The following EPS8 variants were observed in gnomAD, a reference collection of about 807,000 sequenced individuals.
EPS8 encodes the protein EGFR pathway substrate 8, signaling adaptor, also known as epidermal growth factor receptor kinase substrate 8.
EPS8 carries 42 observed loss-of-function variants against 103.8 expected under a neutral mutation model. The observed-to-expected ratio is 0.40, with a 90% CI of 0.32 to 0.52. The LOEUF is 0.52. Among genes scored for constraint, EPS8 ranks in the 20% least tolerant of loss-of-function variants. The pLI is 0.40. For missense variants in EPS8, 969 were observed against 1,005.1 expected (o/e 0.96, Z 0.49); for synonymous variants, 344 against 344.6 (o/e 1.00, Z 0.02).
Position 15,700,103 on chromosome 12 carries a change from T to G in EPS8, c.-21-17131A>C, listed in dbSNP as rs554770304. Among the ~76,000 whole-genome samples the G allele has an allele frequency of 6.6e-6, 1 of 152,280 alleles. No homozygotes were observed. The highest frequency in any genetic ancestry group is 2.1e-4 in the South Asian group (1 of 4,824). ...ACAGGAGGCGGAAGTTGCAGTGAGC[T>G]GAGATCATGCCTCTGCACTGCAGCC... On this transcript the variant is annotated intron_variant, in intron 1 of 20. Transcript: ENST00000281172. The surrounding 1 kb of genome is among the most constrained non-coding windows in gnomAD (Gnocchi z 5.1).
rs1399631735 is a variant in EPS8, at chr12:15,698,432, T to G, written c.-21-15460A>C. On this transcript the variant is annotated intron_variant, in intron 1 of 20. Transcript: ENST00000281172. This position sits in a 1 kb window ranked among gnomAD's most constrained non-coding sequence, Gnocchi z 4.9. Reference sequence around the variant, plus strand: ...GACTCCCCAACCCCCGCTCTTTAAGTTAACCTCATCCACACAGTAAACAGA... The same window carrying G: ...GACTCCCCAACCCCCGCTCTTTAAGGTAACCTCATCCACACAGTAAACAGA... 6.6e-6 allele frequency among the ~76,000 whole-genome samples: 1 copy of G among 152,094 alleles called. No individual in the cohort carries two copies. The highest frequency in any genetic ancestry group is 1.5e-5 in the Non-Finnish European group (1 of 68,000).
intron 2 of EPS8, among the ~76,000 whole-genome samples, 191 bp downstream of exon 2, chr12:15,682,702 T>G (rs1259865089): frequency 6.6e-6 from 1 of 152,198 alleles, no homozygotes; most frequent in Non-Finnish European, 1.5e-5. Context: ...GCTATTTACT[T>G]TACCATCTTA....
At chr12:15,720,898 A>T (rs1268380768) in intron 1 of EPS8, among the ~76,000 whole-genome samples, 1 of 152,280 alleles carries the variant, frequency 6.6e-6, no homozygotes, top group Admixed American at 6.5e-5. Context: ...CCAGATATTT[A>T]AAGTGCTGTA....
chr12:15,665,830 G>C lies in EPS8; in HGVS notation c.662C>G (p.Pro221Arg). Residue 221 changes from proline to arginine, a missense_variant, in exon 8 of 21, where the codon CCT (proline) becomes CGT (arginine). Physicochemically the swap from Pro to Arg is moderately radical, Grantham distance 103. Transcript: ENST00000281172. ...AACATCCACCTGGGTGACGGTCCCA[G>C]GGGGCGCAGGGGCAGGAGCTCTGGG... ...PPPRAPAPAP[P>R]GTVTQVDVRS... 1 of 1,613,934 alleles carries C rather than the reference G, an allele frequency of 6.2e-7. No homozygotes were observed. Among genetic ancestry groups the C allele is most frequent in the Non-Finnish European group, 8.5e-7 (1 of 1,179,926 alleles).
chr12:15,710,239 AG>A (rs1946444226), intron 1 of EPS8, among the ~76,000 whole-genome samples: 2 of 152,244 alleles, frequency 1.3e-5, no homozygotes, highest in Non-Finnish European at 2.9e-5. Flanking sequence ...ATCTAATACT[AG>A]AGTAATAATG....
At chr12:15,687,837 C>T (rs1946116383) in intron 1 of EPS8, among the ~76,000 whole-genome samples, 1 of 152,106 alleles carries the variant, frequency 6.6e-6, no homozygotes, top group Admixed American at 6.5e-5. Flanking sequence ...TATCTCAGTT[C>T]AAAATGTTTT....
chr12:15,687,711 A>G (rs967384179), intron 1 of EPS8, among the ~76,000 whole-genome samples: 16 of 152,202 alleles, frequency 1.1e-4, no homozygotes, highest in African/African-American at 3.9e-4. Context: ...GCATAGACAT[A>G]TTCTAATACT....
intron 1 of EPS8, among the ~76,000 whole-genome samples, chr12:15,718,662 A>T (rs573849142): frequency 2.0e-5 from 3 of 152,178 alleles, no homozygotes; most frequent in Non-Finnish European, 4.4e-5. Context: ...GCATATCAAG[A>T]GTCTCATATT....
Position 15,669,801 on chromosome 12 carries a change from G to A in EPS8, c.229C>T (p.Arg77Trp), listed in dbSNP as rs746963713. 18 of 1,605,822 alleles carry A rather than the reference G, an allele frequency of 1.1e-5. No individual in the cohort carries two copies. The highest frequency in any genetic ancestry group is 1.7e-5 in the Admixed American group (1 of 57,658). Reference sequence around the variant, plus strand: ...TCAACAGTGATCATAGCATCTTTCCGATCCAGGACAAAGGTAGTCAAGTGC... The same window carrying A: ...TCAACAGTGATCATAGCATCTTTCCAATCCAGGACAAAGGTAGTCAAGTGC... ...VEHLTTFVLD[R>W]KDAMITVDDG... The change falls in exon 5 of 21, where the codon CGG (arginine) becomes TGG (tryptophan). Residue 77 changes from arginine (R) to tryptophan (W), a missense_variant. Arg to Trp is a moderately radical substitution (Grantham distance 101). Transcript: ENST00000281172.
At position 15,716,371 on chromosome 12, in the gene EPS8, G is replaced by A. The variant is rs1946533598; in HGVS notation, c.-21-33399C>T. On this transcript the variant is annotated intron_variant, in intron 1 of 20. Transcript: ENST00000281172. The surrounding 1 kb of genome is among the most constrained non-coding windows in gnomAD (Gnocchi z 5.0). ...TCTTATGAAAGGCTAATCTGGCACA[G>A]ACTGATATATGACAAATCATTGTCC... Among the ~76,000 whole-genome samples the A allele has an allele frequency of 6.6e-6, 1 of 152,140 alleles. No individual in the cohort carries two copies. The highest frequency in any genetic ancestry group is 1.5e-5 in the Non-Finnish European group (1 of 68,032).
chr12:15,682,612 C>G (rs1182428864), intron 2 of EPS8, among the ~76,000 whole-genome samples: 1 of 152,076 alleles, frequency 6.6e-6, no homozygotes, highest in African/African-American at 2.4e-5. Flanking sequence ...TATATTCAAC[C>G]ATGAAAAGCA....
At chr12:15,740,484 G>A (rs1177216616) in intron 1 of EPS8, among the ~76,000 whole-genome samples, 3 of 152,074 alleles carry the variant, frequency 2.0e-5, no homozygotes, top group African/African-American at 7.2e-5. Context: ...GGCGTAGGTT[G>A]CGGTGAACCG....
rs1947218436 is a variant in EPS8 at position 15,777,448 on chromosome 12, T to C, written c.-22+11713A>G. 6.6e-6 allele frequency among the ~76,000 whole-genome samples: 1 copy of C among 152,204 alleles called. No homozygotes were observed. Among genetic ancestry groups the C allele is most frequent in the South Asian group, 2.1e-4 (1 of 4,830 alleles). On this transcript the variant is annotated intron_variant, in intron 1 of 20. Transcript: ENST00000281172. This position sits in a 1 kb window ranked among gnomAD's most constrained non-coding sequence, Gnocchi z 4.7. ...ATTTATTCCGGACTAGATTTCACTC[T>C]TTTCATAATGAGATTTTACTATTTC...
At chr12:15,681,360 T>A in intron 2 of EPS8, 58 bp from the exon 3 acceptor site, 1 of 690,642 alleles carries the variant, frequency 1.4e-6, no homozygotes, top group Admixed American at 4.2e-5. Context: ...TGTGTTGGGT[T>A]AAAGTCCAAT....
At chr12:15,726,059 C>A (rs1489170208) in intron 1 of EPS8, among the ~76,000 whole-genome samples, 2 of 152,098 alleles carry the variant, frequency 1.3e-5, no homozygotes, top group Non-Finnish European at 2.9e-5. Context: ...AGTTATCAGT[C>A]ACTCATGAAA....
intron 8 of EPS8, chr12:15,664,917 A>G (rs1945681335): frequency 6.6e-6 from 1 of 152,220 alleles, no homozygotes; most frequent in Non-Finnish European, 1.5e-5. Flanking sequence ...ACATATAAAA[A>G]GTAACACTAA....
At chr12:15,624,936 A>C (rs998358952) in intron 18 of EPS8, among the ~76,000 whole-genome samples, 5 of 152,162 alleles carry the variant, frequency 3.3e-5, no homozygotes, top group African/African-American at 9.7e-5. Flanking sequence ...TGCACACAAC[A>C]TTCTATAATG....
chr12:15,714,920 C>CACTG lies in EPS8; in HGVS notation c.-21-31952_-21-31949dup, dbSNP rs1330528639. Among the ~76,000 whole-genome samples the CACTG allele has an allele frequency of 1.3e-5, 2 of 152,146 alleles. No individual in the cohort carries two copies. The highest frequency in any genetic ancestry group is 4.8e-5 in the African/African-American group (2 of 41,440). ...CTCTACCATCTCTCAAGCTCCTGAC[C>CACTG]ACTGTATGCTGCAACTCCTTATTCC... On this transcript the variant is annotated intron_variant, in intron 1 of 20. Transcript: ENST00000281172. This position sits in a 1 kb window ranked among gnomAD's most constrained non-coding sequence, Gnocchi z 4.1.
At chr12:15,673,374 C>T (rs530747515) in intron 3 of EPS8, among the ~76,000 whole-genome samples, 1 of 152,274 alleles carries the variant, frequency 6.6e-6, no homozygotes, top group South Asian at 2.1e-4. Flanking sequence ...TTAATATTAA[C>T]ATTTTAATAG....
Sources: allele counts gnomAD v4.1 joint callset (sites outside exome capture counted in the v4.1 genomes callset), GRCh38; gene constraint gnomAD v4.1.1; non-coding constraint Gnocchi (gnomAD v3.1); transcripts MANE v1.5; gene names NCBI Gene and HGNC (gene_info 2026-07-23, HGNC 2026-07-21).